The following CDC14B variants were observed in gnomAD, a reference collection of about 807,000 sequenced individuals.
The protein encoded by CDC14B is cell division cycle 14B.
Under a neutral mutation model 64.2 loss-of-function variants are expected in CDC14B, and 22 were observed. That is an observed-to-expected ratio of 0.34 (90% CI 0.24 to 0.49). The LOEUF (loss-of-function observed/expected upper bound fraction) is 0.49, where lower values mean the gene tolerates loss of function less well. CDC14B is among the 20% of genes least tolerant of loss of function. The probability of loss-of-function intolerance (pLI) is 0.99; values close to 1 mark genes in which losing one functional copy is unlikely to be tolerated. For missense variants in CDC14B, 498 were observed against 629.9 expected (o/e 0.79, Z 2.24); for synonymous variants, 191 against 215.8 (o/e 0.89, Z 1.01).
intron 1 of CDC14B, among the ~76,000 whole-genome samples, chr9:96,602,124 T>C (rs148052772): frequency 1.1e-3 from 165 of 152,290 alleles, no homozygotes; most frequent in African/African-American, 3.0e-3. Context: ...TTAGTGCTGT[T>C]CACCAAATAT....
chr9:96,525,318 T>A (rs996038980), intron 9 of CDC14B, among the ~76,000 whole-genome samples: 1 of 151,978 alleles, frequency 6.6e-6, no homozygotes, highest in Non-Finnish European at 1.5e-5. Context: ...TAAAATAAAG[T>A]AAGGCTTTTG....
chr9:96,536,576 C>G (rs1271949560), intron 7 of CDC14B, among the ~76,000 whole-genome samples: 2 of 152,200 alleles, frequency 1.3e-5, no homozygotes, highest in Non-Finnish European at 2.9e-5. Context: ...ACAATGTATT[C>G]TTACATCTTT....
intron 1 of CDC14B, among the ~76,000 whole-genome samples, chr9:96,612,297 T>C (rs528530430): frequency 3.3e-4 from 51 of 152,328 alleles, no homozygotes; most frequent in African/African-American, 1.2e-3. Context: ...TACACGGGAA[T>C]GTTTGCTTCT....
At chr9:96,503,899 A>G (rs1833776314) in intron 13 of CDC14B, 110 bp from the exon 14 acceptor site, 1 of 800,256 alleles carries the variant, frequency 1.2e-6, no homozygotes, top group Non-Finnish European at 2.1e-6. Flanking sequence ...GCTAAAAAGT[A>G]TACGCTTGCT....
chr9:96,529,703 G>C (rs1248764469), intron 9 of CDC14B, among the ~76,000 whole-genome samples: 1 of 151,938 alleles, frequency 6.6e-6, no homozygotes, highest in African/African-American at 2.4e-5. Context: ...ATGCTGTCCA[G>C]GGTGGTCTTA....
chr9:96,565,638 G>C, intron 1 of CDC14B, 155 bp from the exon 2 acceptor site: 1 of 663,958 alleles, frequency 1.5e-6, no homozygotes, highest in East Asian at 2.7e-5. Context: ...AAATATTCTG[G>C]CTATTTGGGT....
chr9:96,618,890 C>T (rs931188744), intron 1 of CDC14B: 7 of 332,538 alleles, frequency 2.1e-5, no homozygotes, highest in East Asian at 1.8e-4. Context: ...AACTCAGAAG[C>T]AGCCCGCGGG....
chr9:96,517,473 A>C lies in CDC14B; in HGVS notation c.1343+5033T>G, dbSNP rs1371079265. ...CAAGACCATCCTGGCTAACATGGTG[A>C]AACCCCGTCTCTACTAAAAATACAA... On this transcript the variant is annotated intron_variant, in intron 12 of 13. Coordinates refer to ENST00000375241, the MANE Select transcript of CDC14B (RefSeq NM_033331.4). Among the ~76,000 whole-genome samples, 6 of 150,110 alleles carry C rather than the reference A, an allele frequency of 4.0e-5. No individual in the cohort carries two copies. In the East Asian group the frequency reaches 1.2e-3, roughly 30 times the overall value.
chr9:96,615,216 C>T (rs945961700), intron 1 of CDC14B, among the ~76,000 whole-genome samples: 2 of 152,022 alleles, frequency 1.3e-5, no homozygotes, highest in African/African-American at 4.8e-5. Context: ...TAAAAAAATC[C>T]GTGTCATTGC....
chr9:96,561,587 T>G, intron 4 of CDC14B, among the ~76,000 whole-genome samples: 1 of 151,818 alleles, frequency 6.6e-6, no homozygotes, highest in East Asian at 1.9e-4. Flanking sequence ...CACGACGTTC[T>G]CTTCCCTCAG....
intron 1 of CDC14B, among the ~76,000 whole-genome samples, chr9:96,604,344 TA>T (rs61463210): frequency 0.17 from 8,893 of 51,060 alleles, 875 homozygotes; most frequent in African/African-American, 0.43. Flanking sequence ...AGCTTGCATT[TA>T]TTATTATTAT....
chr9:96,501,218 GA>G lies in CDC14B; in HGVS notation c.*2534del. The G allele has an allele frequency of 6.6e-6, 1 of 152,338 alleles. No individual in the cohort carries two copies. The highest frequency in any genetic ancestry group is 2.1e-4 in the South Asian group (1 of 4,826). The allele number at this position is 152,338 out of a possible 1,614,324, so 9.4% of individuals were successfully genotyped here. A position where few individuals can be genotyped will look rare whatever the true frequency, so the allele number is the denominator to read the frequency against. On this transcript the variant is annotated 3_prime_UTR_variant, in exon 14 of 14. Coordinates refer to ENST00000375241, the MANE Select transcript of CDC14B (RefSeq NM_033331.4). ...TTCCTCCGGACTGTCCCTGACTTTT[GA>G]TAATTTTGAGTCCCCAGAAAGCTTC...
chr9:96,527,133 C>T (rs571965618), intron 9 of CDC14B, among the ~76,000 whole-genome samples: 41 of 152,258 alleles, frequency 2.7e-4, no homozygotes, highest in African/African-American at 8.7e-4. Flanking sequence ...GGGCCGGGTG[C>T]GGTGGCTTAC....
chr9:96,612,775 G>A (rs1847402735), intron 1 of CDC14B, among the ~76,000 whole-genome samples: 1 of 152,250 alleles, frequency 6.6e-6, no homozygotes, highest in South Asian at 2.1e-4. Flanking sequence ...ACTATCTCTA[G>A]CAGTGCTCTA....
intron 1 of CDC14B, among the ~76,000 whole-genome samples, chr9:96,610,347 C>T (rs1050296840): frequency 3.3e-5 from 5 of 152,060 alleles, no homozygotes; most frequent in Non-Finnish European, 5.9e-5. Context: ...TACAGGTGCC[C>T]GCCACCACGC....
chr9:96,565,695 C>T (rs534372223), intron 1 of CDC14B, among the ~76,000 whole-genome samples: 3 of 152,204 alleles, frequency 2.0e-5, no homozygotes, highest in African/African-American at 4.8e-5. Context: ...TGCCTTTAAC[C>T]GTAAGTTTCA....
chr9:96,524,276 T>C (rs546778836), intron 9 of CDC14B, among the ~76,000 whole-genome samples: 4 of 152,362 alleles, frequency 2.6e-5, no homozygotes, highest in Admixed American at 6.5e-5. Flanking sequence ...GTATGCAGCA[T>C]AGCTTGGACA....
chr9:96,580,230 A>C lies in CDC14B; in HGVS notation c.161-14747T>G, dbSNP rs1056793506. On this transcript the variant is annotated intron_variant, in intron 1 of 13. Transcript: ENST00000375241. ...AGGGAAAGGTTGTGGGGAGAGTGCC[A>C]CTTTTTTTTTTTTTTGAGACGGAGT... Among the ~76,000 whole-genome samples, 367 of 150,290 alleles carry C rather than the reference A, an allele frequency of 2.4e-3. 1 individual carries two copies. The highest frequency in any genetic ancestry group is 8.6e-3 in the African/African-American group (354 of 41,064).
chr9:96,615,075 A>C (rs553550450), intron 1 of CDC14B, among the ~76,000 whole-genome samples: 75 of 152,158 alleles, frequency 4.9e-4, no homozygotes, highest in Non-Finnish European at 8.4e-4. Context: ...TCCTGACCTC[A>C]GGTTATCCAC....
Sources: gnomAD v4.1 joint callset for allele counts (sites outside exome capture counted in the v4.1 genomes callset) on GRCh38, gnomAD v4.1.1 for gene constraint, MANE v1.5 for transcripts, NCBI Gene and HGNC (gene_info 2026-07-23, HGNC 2026-07-21) for gene names.